Variants in TOMM20 observed in about 807,000 individuals in gnomAD.
TOMM20 encodes the protein translocase of outer mitochondrial membrane 20, also known as mitochondrial import receptor subunit TOM20 homolog.
Under a neutral mutation model 22.1 loss-of-function variants are expected in TOMM20, and 10 were observed. That is an observed-to-expected ratio of 0.45 (90% CI 0.28 to 0.77). The LOEUF is 0.77. Among genes scored for constraint, TOMM20 ranks in the 30% least tolerant of loss-of-function variants. TOMM20 has a pLI of 0.13. For synonymous variants in TOMM20, 55 were observed against 61.4 expected, an observed-to-expected ratio of 0.90 and a Z score of 0.49; for missense variants, 121 against 172.2, an observed-to-expected ratio of 0.70 and a Z score of 1.66.
intron 3 of TOMM20, among the ~76,000 whole-genome samples, chr1:235,114,269 G>T (rs1436058140): frequency 2.0e-5 from 3 of 152,064 alleles, no homozygotes; most frequent in Non-Finnish European, 4.4e-5. Flanking sequence ...GACTGGGGTA[G>T]AAAGAAGACC....
At chr1:235,113,639 T>A in intron 4 of TOMM20, 129 bp downstream of exon 4, 2 of 1,172,890 alleles carry the variant, frequency 1.7e-6, no homozygotes, top group Non-Finnish European at 2.3e-6. Context: ...AGCGCTGATA[T>A]CTCCCATATT....
intron 1 of TOMM20, among the ~76,000 whole-genome samples, chr1:235,127,415 C>T (rs1661042579): frequency 6.6e-6 from 1 of 152,186 alleles, no homozygotes; most frequent in South Asian, 2.1e-4. Context: ...AGTCATAAAT[C>T]AAATTATGTC....
At position 235,111,197 on chromosome 1, in the gene TOMM20, A is replaced by T. The variant is rs1196649236; in HGVS notation, c.*867T>A. 3 of 152,220 alleles carry T rather than the reference A, an allele frequency of 2.0e-5. No homozygotes were observed. The highest frequency in any genetic ancestry group is 7.2e-5 in the African/African-American group (3 of 41,454). The allele number at this position is 152,220 out of a possible 1,614,324, so 9.4% of individuals were successfully genotyped here. ...TAAGTCAGGCAAGCATGCAAAATTC[A>T]GAATATAAAAAAATGCAGGGCCTGG... On this transcript the variant is annotated 3_prime_UTR_variant, in exon 5 of 5. Coordinates refer to ENST00000366607, the MANE Select transcript of TOMM20 (RefSeq NM_014765.3).
Position 235,113,830 on chromosome 1 carries a change from G to T in TOMM20, c.331C>A (p.Gln111Lys), listed in dbSNP as rs748234778. Residue 111 changes from glutamine to lysine, a missense_variant, in exon 4 of 5, where the codon CAG (glutamine) becomes AAG (lysine). Coordinates refer to ENST00000366607, the MANE Select transcript of TOMM20 (RefSeq NM_014765.3). The part of the protein sequence containing the change: ...GQPQQLLQVL[Q>K]QTLPPPVFQM... Reference sequence around the variant, plus strand: ...AACACTGGTGGTGGAAGAGTTTGCTGTAAGACCTGCAGTAACTGCTGTGGC... The same window carrying T: ...AACACTGGTGGTGGAAGAGTTTGCTTTAAGACCTGCAGTAACTGCTGTGGC... 1.9e-6 allele frequency: 3 copies of T among 1,613,942 alleles called. No individual in the cohort carries two copies. The highest frequency in any genetic ancestry group is 2.5e-6 in the Non-Finnish European group (3 of 1,179,998).
Position 235,122,326 on chromosome 1 carries a change from C to T in TOMM20, c.168G>A (p.Lys56=), listed in dbSNP as rs747704619. 1 of 1,536,726 alleles carries T rather than the reference C, an allele frequency of 6.5e-7. No homozygotes were observed. ...KLAKERAGLS[K]LPDLKDAEAV... is the part of the protein sequence containing the mutation. ...ATTTAAACAGAAACCAGACTATTAC[C>T]TTGGAAAGCCCAGCTCTCTCCTTGG... is the stretch of plus-strand genomic sequence containing the variant. Residue 56 remains lysine (K), a splice_region_variant and synonymous_variant, in exon 2 of 5, where the codon AAG becomes AAA. Coordinates refer to ENST00000366607, the MANE Select transcript of TOMM20 (RefSeq NM_014765.3).
chr1:235,119,424 A>G, intron 3 of TOMM20: 1 of 154,050 alleles, frequency 6.5e-6, no homozygotes. Context: ...AGATCTGAAG[A>G]TTAGATGAAG....
chr1:235,118,808 A>G (rs1456385921), intron 3 of TOMM20, among the ~76,000 whole-genome samples: 1 of 152,190 alleles, frequency 6.6e-6, no homozygotes, highest in Non-Finnish European at 1.5e-5. Context: ...TACAGGCATG[A>G]GCCACCATGC....
At chr1:235,117,764 T>A (rs559124087) in intron 3 of TOMM20, among the ~76,000 whole-genome samples, 1 of 152,172 alleles carries the variant, frequency 6.6e-6, no homozygotes, top group Non-Finnish European at 1.5e-5. Flanking sequence ...CACCTGAGTA[T>A]AAGTAAAGGT....
rs745919065 is a variant in TOMM20, at chr1:235,128,710, C to T, written c.6G>A (p.Val2=). 2 of 1,614,000 alleles carry T rather than the reference C, an allele frequency of 1.2e-6. No individual in the cohort carries two copies. The highest frequency in any genetic ancestry group is 1.7e-6 in the Non-Finnish European group (2 of 1,179,916). ...CGGCGGCGATGGCGCTGTTCCGACC[C>T]ACCATCTTCTCTACAACGCTGAGCG... M[V]GRNSAIAAGV... is the part of the protein sequence containing the mutation. Residue 2 remains valine (V), a synonymous_variant, in exon 1 of 5, where the codon GTG becomes GTA. Coordinates refer to ENST00000366607, the MANE Select transcript of TOMM20 (RefSeq NM_014765.3).
chr1:235,125,852 C>T (rs531851675), intron 1 of TOMM20, among the ~76,000 whole-genome samples: 1 of 151,224 alleles, frequency 6.6e-6, no homozygotes, highest in Admixed American at 6.6e-5. Flanking sequence ...CAGGTTCAAG[C>T]GATCTTCCTA....
At chr1:235,113,629 A>AG (rs768666856) in intron 4 of TOMM20, 139 bp downstream of exon 4, 12 of 1,103,166 alleles carry the variant, frequency 1.1e-5, no homozygotes, top group African/African-American at 1.6e-5. Flanking sequence ...GAAAATGTCA[A>AG]GCGCTGATAT....
chr1:235,118,423 C>T (rs1660872481), intron 3 of TOMM20, among the ~76,000 whole-genome samples: 1 of 152,216 alleles, frequency 6.6e-6, no homozygotes, highest in South Asian at 2.1e-4. Context: ...TGCCTGGGTC[C>T]TCTCTCTCAG....
In TOMM20 at chr1:235,122,442, C is replaced by T. The variant is rs983709860; in HGVS notation, c.122-70G>A. On this transcript the variant is annotated intron_variant, in intron 1 of 4. Transcript: ENST00000366607. ...ATGGGAATCAAAAGAATTCTAACTG[C>T]TGTGGCAGTCATTAATTCCATTTGC... The T allele has an allele frequency of 2.8e-5, 39 of 1,404,976 alleles. No homozygotes were observed. In the African/African-American group the frequency reaches 3.8e-4, roughly 14 times the overall value. 87.0% of individuals were successfully genotyped at this position (1,404,976 alleles called of 1,614,324 possible).
intron 3 of TOMM20, among the ~76,000 whole-genome samples, chr1:235,115,472 C>T (rs1027272248): frequency 1.3e-5 from 2 of 151,782 alleles, no homozygotes; most frequent in Admixed American, 1.3e-4. Context: ...ACTAAAAATA[C>T]AAAAATTAGC....
intron 3 of TOMM20, among the ~76,000 whole-genome samples, chr1:235,115,239 T>C (rs981256867): frequency 1.3e-5 from 2 of 152,232 alleles, no homozygotes; most frequent in Admixed American, 6.5e-5. Context: ...AACTATGCTA[T>C]TAAATATTTT....
intron 1 of TOMM20, among the ~76,000 whole-genome samples, chr1:235,125,382 G>T (rs933295685): frequency 6.6e-6 from 1 of 151,766 alleles, no homozygotes; most frequent in Non-Finnish European, 1.5e-5. Flanking sequence ...GCCCGGCTAA[G>T]TTTTTCTATT....
chr1:235,109,864 G>A lies in TOMM20; in HGVS notation c.*2200C>T, dbSNP rs11301. The A allele has an allele frequency of 0.71, 107,781 of 152,122 alleles. 39,012 individuals carry two copies. Among genetic ancestry groups the A allele is most frequent in the African/African-American group, 0.84 (34,778 of 41,508 alleles). The allele number at this position is 152,122 out of a possible 1,614,324, so 9.4% of individuals were successfully genotyped here. On this transcript the variant is annotated 3_prime_UTR_variant, in exon 5 of 5. Coordinates refer to ENST00000366607, the MANE Select transcript of TOMM20 (RefSeq NM_014765.3). ...CTCAAGCTGTGTATTAGTTCACTGA[G>A]ATCTGGGGTTTTTTTGTTCTCACCT... is the stretch of plus-strand genomic sequence containing the variant.
At chr1:235,118,342 T>A (rs1375901975) in intron 3 of TOMM20, among the ~76,000 whole-genome samples, 1 of 152,222 alleles carries the variant, frequency 6.6e-6, no homozygotes, top group Non-Finnish European at 1.5e-5. Flanking sequence ...TGTTATGCGA[T>A]GCAAGGAGCA....
chr1:235,124,319 C>T (rs1660978112), intron 1 of TOMM20, among the ~76,000 whole-genome samples: 1 of 152,236 alleles, frequency 6.6e-6, no homozygotes. Flanking sequence ...TGCGCTCCAG[C>T]CTGGGCCACA....
Sources: gnomAD v4.1 joint callset for allele counts (sites outside exome capture counted in the v4.1 genomes callset) on GRCh38, gnomAD v4.1.1 for gene constraint, MANE v1.5 for transcripts, NCBI Gene and HGNC (gene_info 2026-07-23, HGNC 2026-07-21) for gene names.